DLG2: variants seen among roughly 807,000 people sequenced by gnomAD.
DLG2 encodes the protein discs large MAGUK scaffold protein 2.
DLG2 carries 45 observed loss-of-function variants against 132.5 expected under a neutral mutation model. The observed-to-expected ratio is 0.34, with a 90% CI of 0.27 to 0.44. The LOEUF (loss-of-function observed/expected upper bound fraction) is 0.44. DLG2 is among the 20% of genes least tolerant of loss of function. The pLI, the probability that DLG2 is intolerant of heterozygous loss-of-function variation, is 1.00. For missense variants in DLG2, 1,045 were observed against 1,196.9 expected, an observed-to-expected ratio of 0.87 and a Z score of 1.87; for synonymous variants, 424 against 419.6, an observed-to-expected ratio of 1.01 and a Z score of -0.13.
At chr11:84,203,669 C>T (rs2096627653) in intron 8 of DLG2, among the ~76,000 whole-genome samples, 1 of 150,998 alleles carries the variant, frequency 6.6e-6, no homozygotes, top group African/African-American at 2.4e-5. Flanking sequence ...AGCAGTCTAA[C>T]ACAGAAACAG....
At chr11:84,720,586 C>T (rs1345869967) in intron 6 of DLG2, 1 of 641,738 alleles carries the variant, frequency 1.6e-6, no homozygotes, top group Non-Finnish European at 1.9e-6. Flanking sequence ...TCTCCCTTCC[C>T]TGGGGAACGA....
rs570623358 is a variant in DLG2, at chr11:84,937,601, G to T, written c.357+174060C>A. On this transcript the variant is annotated intron_variant, in intron 6 of 27. Coordinates refer to ENST00000376104, the MANE Select transcript of DLG2 (RefSeq NM_001142699.3). ...TAGGATTTTAATAACTGAAGATGGG[G>T]GAGAGGACATGAGGAAAGGCATTTC... is the stretch of plus-strand genomic sequence containing the variant. 2.0e-5 allele frequency among the ~76,000 whole-genome samples: 3 copies of T among 152,196 alleles called. No individual in the cohort carries two copies. In the South Asian group the frequency reaches 6.2e-4, roughly 32 times the overall value.
chr11:85,479,674 C>A (rs75530987), intron 3 of DLG2, among the ~76,000 whole-genome samples: 1 of 151,986 alleles, frequency 6.6e-6, no homozygotes, highest in Non-Finnish European at 1.5e-5. Context: ...AATTGGTTTG[C>A]GAGAACTACA....
chr11:85,170,932 C>T (rs537453360), intron 4 of DLG2, among the ~76,000 whole-genome samples: 7 of 140,888 alleles, frequency 5.0e-5, no homozygotes, highest in Non-Finnish European at 1.1e-4. Flanking sequence ...TAAGGCATAA[C>T]AAATAAAAAA....
chr11:83,928,178 T>C lies in DLG2; in HGVS notation c.1496+2150A>G, dbSNP rs929778538. On this transcript the variant is annotated intron_variant, in intron 15 of 27. Coordinates refer to ENST00000376104, the MANE Select transcript of DLG2 (RefSeq NM_001142699.3). The stretch of plus-strand genomic sequence containing the variant: ...AAGAAGGGGACCAAATTAGAATAAA[T>C]TGAAAATAGAATACCCAAAAAGGGG... Among the ~76,000 whole-genome samples, 27 of 151,744 alleles carry C rather than the reference T, an allele frequency of 1.8e-4. No homozygotes were observed. In the South Asian group the frequency reaches 2.7e-3, roughly 15 times the overall value.
In DLG2 at chr11:85,154,546, T is replaced by G. The variant is rs1375628390; in HGVS notation, c.282+10A>C. 1.0e-5 allele frequency: 14 copies of G among 1,350,844 alleles called. No individual in the cohort carries two copies. The highest frequency in any genetic ancestry group is 1.3e-5 in the Non-Finnish European group (13 of 969,354). 83.7% of individuals were successfully genotyped at this position (1,350,844 alleles called of 1,614,324 possible). On this transcript the variant is annotated intron_variant, in intron 5 of 27. Coordinates refer to ENST00000376104, the MANE Select transcript of DLG2 (RefSeq NM_001142699.3). ...AGCCTAGTAAGAAAAGAAAACAGTA[T>G]AACACTTACAGTTGTCGTCTCATCA...
intron 6 of DLG2, among the ~76,000 whole-genome samples, chr11:84,563,107 T>A (rs1444262419): frequency 6.6e-6 from 1 of 152,232 alleles, no homozygotes; most frequent in Non-Finnish European, 1.5e-5. Flanking sequence ...CCATTCATAT[T>A]GGGCTGCATT....
chr11:84,434,918 G>GA (rs770101910), intron 7 of DLG2, among the ~76,000 whole-genome samples: 24,065 of 78,910 alleles, frequency 0.3, 3,493 homozygotes, highest in African/African-American at 0.46. Context: ...GTCACCTACT[G>GA]AAAAAAAAAA....
At chr11:85,127,368 T>A (rs966247161) in intron 5 of DLG2, among the ~76,000 whole-genome samples, 5 of 118,652 alleles carry the variant, frequency 4.2e-5, no homozygotes, top group Admixed American at 8.5e-5. Context: ...TTTCACTTCC[T>A]CAGGAAAGCC....
chr11:84,908,681 C>A (rs1182820951), intron 6 of DLG2, among the ~76,000 whole-genome samples: 1 of 151,694 alleles, frequency 6.6e-6, no homozygotes, highest in African/African-American at 2.4e-5. Flanking sequence ...GGTGGGACAT[C>A]ACTGAGAAAA....
At position 83,921,525 on chromosome 11, in the gene DLG2, G is replaced by A. The variant is rs142426772; in HGVS notation, c.1496+8803C>T. 4.6e-5 allele frequency among the ~76,000 whole-genome samples: 7 copies of A among 152,200 alleles called. No homozygotes were observed. The East Asian group carries it at 1.2e-3, about 25-fold the overall frequency. ...GTACATATAAAACTTCTGGAATAGC[G>A]CATAGCACCTAAGGGCACCCAATAC... On this transcript the variant is annotated intron_variant, in intron 15 of 27. Transcript: ENST00000376104.
At chr11:84,127,260 T>C (rs1309160695) in intron 9 of DLG2, among the ~76,000 whole-genome samples, 2 of 152,178 alleles carry the variant, frequency 1.3e-5, no homozygotes, top group African/African-American at 4.8e-5. Context: ...AATTTGTTGT[T>C]TAGGACTAGG....
chr11:83,921,115 T>A (rs2077802779), intron 15 of DLG2, among the ~76,000 whole-genome samples: 2 of 152,178 alleles, frequency 1.3e-5, no homozygotes, highest in African/African-American at 4.8e-5. Flanking sequence ...CAAAATGGGA[T>A]AATAATAACA....
At chr11:85,258,290 G>C (rs189946415) in intron 4 of DLG2, among the ~76,000 whole-genome samples, 1 of 152,202 alleles carries the variant, frequency 6.6e-6, no homozygotes, top group Non-Finnish European at 1.5e-5. Context: ...AACTGGAATT[G>C]AAAAGAATAA....
At chr11:84,327,449 A>T (rs186019288) in intron 7 of DLG2, among the ~76,000 whole-genome samples, 2 of 152,274 alleles carry the variant, frequency 1.3e-5, no homozygotes, top group East Asian at 3.9e-4. Context: ...ATCCATTTAC[A>T]TTTAAAGTAA....
At chr11:84,573,962 A>G (rs1246456646) in intron 6 of DLG2, among the ~76,000 whole-genome samples, 2 of 152,212 alleles carry the variant, frequency 1.3e-5, no homozygotes, top group Non-Finnish European at 2.9e-5. Context: ...TTAGCCTGAA[A>G]GGTACTTAAC....
At chr11:83,487,187 T>C (rs548675520) in intron 21 of DLG2, among the ~76,000 whole-genome samples, 12 of 152,194 alleles carry the variant, frequency 7.9e-5, no homozygotes, top group African/African-American at 2.9e-4. Flanking sequence ...ATTGCTTTCA[T>C]AGCAGGAAAC....
intron 6 of DLG2, among the ~76,000 whole-genome samples, chr11:84,974,726 C>T (rs973170789): frequency 1.3e-5 from 2 of 152,162 alleles, no homozygotes; most frequent in Non-Finnish European, 2.9e-5. Context: ...GTTAGAAATA[C>T]ACTCTCCAGT....
intron 3 of DLG2, among the ~76,000 whole-genome samples, chr11:85,466,979 A>T (rs564035426): frequency 6.6e-6 from 1 of 151,920 alleles, no homozygotes; most frequent in African/African-American, 2.4e-5. Flanking sequence ...ATCCTCTTTT[A>T]TTTCCTTGAG....
Sources: allele counts gnomAD v4.1 joint callset (sites outside exome capture counted in the v4.1 genomes callset), GRCh38; gene constraint gnomAD v4.1.1; transcripts MANE v1.5; gene names NCBI Gene and HGNC (gene_info 2026-07-23, HGNC 2026-07-21).